ERBB4: variants seen among roughly 807,000 people sequenced by gnomAD.
The protein encoded by ERBB4 is receptor tyrosine-protein kinase erbB-4.
A neutral mutation model predicts 158.0 loss-of-function variants in ERBB4; 42 were observed. That is an observed-to-expected ratio of 0.27 (90% CI 0.21 to 0.34). The LOEUF (loss-of-function observed/expected upper bound fraction) is 0.34, where lower values mean the gene tolerates loss of function less well. ERBB4 is among the 10% of genes least tolerant of loss of function. The pLI, the probability that ERBB4 is intolerant of heterozygous loss-of-function variation, is 1.00. For missense variants in ERBB4, 1,333 were observed against 1,624.1 expected, an observed-to-expected ratio of 0.82 and a Z score of 3.08; for synonymous variants, 583 against 558.7, an observed-to-expected ratio of 1.04 and a Z score of -0.61.
At chr2:212,250,024 C>T (rs1322951653) in intron 1 of ERBB4, among the ~76,000 whole-genome samples, 1 of 151,928 alleles carries the variant, frequency 6.6e-6, no homozygotes, top group South Asian at 2.1e-4. Context: ...AATATGCATA[C>T]CATTATCAAT....
intron 20 of ERBB4, among the ~76,000 whole-genome samples, chr2:211,485,735 C>T (rs1023995827): frequency 6.6e-6 from 1 of 151,150 alleles, no homozygotes. Context: ...GGAGGGATAG[C>T]GTTAGGAGAT....
Position 212,514,758 on chromosome 2 carries a change from T to C in ERBB4, c.82+23691A>G, listed in dbSNP as rs561329447. Among the ~76,000 whole-genome samples, 78 of 152,262 alleles carry C rather than the reference T, an allele frequency of 5.1e-4. No homozygotes were observed. In the South Asian group the frequency reaches 0.015, roughly 29 times the overall value. On this transcript the variant is annotated intron_variant, in intron 1 of 27. Transcript: ENST00000342788. ...AGGCAGAGGTTGCAGTGAGCAGAGA[T>C]CGCACCACTGTACTCCAGCCTGGTG...
chr2:211,617,575 G>C (rs2069439717), intron 19 of ERBB4, among the ~76,000 whole-genome samples: 1 of 152,070 alleles, frequency 6.6e-6, no homozygotes, highest in South Asian at 2.1e-4. Context: ...CAACTGGTAA[G>C]GCATGAAACC....
intron 1 of ERBB4, among the ~76,000 whole-genome samples, chr2:212,296,582 A>C (rs904091920): frequency 1.3e-5 from 2 of 151,846 alleles, no homozygotes; most frequent in Non-Finnish European, 2.9e-5. Context: ...TGCCTCTATA[A>C]CAGATAATTT....
intron 16 of ERBB4, among the ~76,000 whole-genome samples, chr2:211,635,997 ATTAAACTAAATAATT>A (rs547766797): frequency 1.1e-4 from 17 of 152,142 alleles, no homozygotes; most frequent in African/African-American, 3.4e-4. Context: ...AAGCTTTTAG[ATTAAACTAAATAATT>A]TGAAGAAAGG....
chr2:212,279,924 A>G (rs1405569649), intron 1 of ERBB4, among the ~76,000 whole-genome samples: 1 of 151,664 alleles, frequency 6.6e-6, no homozygotes, highest in Non-Finnish European at 1.5e-5. Flanking sequence ...ATGTAATTAC[A>G]TTATAAAGTT....
chr2:211,754,021 C>T (rs62183023), intron 4 of ERBB4, among the ~76,000 whole-genome samples: 37,342 of 151,444 alleles, frequency 0.25, 4,837 homozygotes, highest in Non-Finnish European at 0.29. Flanking sequence ...CCACGCCCGG[C>T]TAATTTTTTT....
intron 20 of ERBB4, among the ~76,000 whole-genome samples, chr2:211,513,893 C>A (rs1172329518): frequency 6.6e-6 from 1 of 151,904 alleles, no homozygotes; most frequent in Non-Finnish European, 1.5e-5. Context: ...AGTAACTGTA[C>A]AAATGTATGG....
chr2:212,086,736 T>C (rs1022321313), intron 2 of ERBB4, among the ~76,000 whole-genome samples: 3 of 151,974 alleles, frequency 2.0e-5, no homozygotes, highest in Non-Finnish European at 4.4e-5. Flanking sequence ...GGGATAAGGC[T>C]AAAAAAGTTA....
At chr2:211,726,590 G>A (rs947675266) in intron 5 of ERBB4, among the ~76,000 whole-genome samples, 2 of 152,076 alleles carry the variant, frequency 1.3e-5, no homozygotes, top group Non-Finnish European at 2.9e-5. Context: ...AAATTGCCAA[G>A]TATTAGCAAT....
At chr2:212,111,977 T>C (rs536335684) in intron 2 of ERBB4, among the ~76,000 whole-genome samples, 2 of 152,142 alleles carry the variant, frequency 1.3e-5, no homozygotes, top group Admixed American at 1.3e-4. Flanking sequence ...TTTCAAAGAG[T>C]TGGCAGTCAG....
chr2:211,907,730 G>T (rs931799601), intron 3 of ERBB4, among the ~76,000 whole-genome samples: 3 of 151,500 alleles, frequency 2.0e-5, no homozygotes, highest in Non-Finnish European at 4.4e-5. Flanking sequence ...AAAAAATAAA[G>T]TTGAGGGACT....
intron 5 of ERBB4, among the ~76,000 whole-genome samples, chr2:211,742,028 A>G (rs935563176): frequency 2.6e-5 from 4 of 152,252 alleles, no homozygotes; most frequent in African/African-American, 7.2e-5. Flanking sequence ...AAAAAAGGAA[A>G]AATGGGAATA....
chr2:211,638,487 T>G (rs1401634609), intron 16 of ERBB4, among the ~76,000 whole-genome samples: 1 of 152,176 alleles, frequency 6.6e-6, no homozygotes, highest in Non-Finnish European at 1.5e-5. Flanking sequence ...GATCTTACAG[T>G]TTTTGGTTGA....
chr2:211,561,952 T>A lies in ERBB4; in HGVS notation c.2438A>T (p.Asp813Val). The change falls in exon 20 of 28, where the codon GAT (aspartate) becomes GTT (valine). Residue 813 changes from aspartate (D) to valine (V), a missense_variant. Physicochemically the swap from Asp to Val is radical, Grantham distance 152. Around this residue, in one of 5 missense-constraint regions of ERBB4, gnomAD observed 314 missense variants for 437.6 expected, o/e 0.72. Coordinates refer to ENST00000342788, the MANE Select transcript of ERBB4 (RefSeq NM_005235.3). ...AAGCAGCAGTTGTGATCCAATGTTATCCTTGTGCTCGTGGACATACTCCAA... is the reference window on the plus strand; with the variant it reads ...AAGCAGCAGTTGTGATCCAATGTTAACCTTGTGCTCGTGGACATACTCCAA... ...CLLEYVHEHK[D>V]NIGSQLLLNW... 1 of 1,614,174 alleles carries A rather than the reference T, an allele frequency of 6.2e-7. No individual in the cohort carries two copies. Among genetic ancestry groups the A allele is most frequent in the African/African-American group, 1.3e-5 (1 of 75,038 alleles).
chr2:212,238,543 C>T (rs907242119), intron 1 of ERBB4, among the ~76,000 whole-genome samples: 2 of 152,076 alleles, frequency 1.3e-5, no homozygotes, highest in African/African-American at 4.8e-5. Flanking sequence ...TAGCCACCTG[C>T]ATTATTATAT....
chr2:212,535,857 C>A (rs973811713), intron 1 of ERBB4, among the ~76,000 whole-genome samples: 6 of 152,166 alleles, frequency 3.9e-5, no homozygotes, highest in African/African-American at 1.2e-4. Context: ...ATCTATACAA[C>A]AGCATCCCCC....
intron 3 of ERBB4, among the ~76,000 whole-genome samples, chr2:211,917,477 T>G (rs771851563): frequency 3.0e-4 from 45 of 152,024 alleles, no homozygotes; most frequent in Non-Finnish European, 5.1e-4. Context: ...CCACAACAGA[T>G]GAAGAAACAA....
chr2:212,056,618 A>G (rs1559404031), intron 2 of ERBB4, among the ~76,000 whole-genome samples: 1 of 152,238 alleles, frequency 6.6e-6, no homozygotes. Context: ...AGTGGAGACC[A>G]ATATTCAACA....
Sources: allele counts gnomAD v4.1 joint callset (sites outside exome capture counted in the v4.1 genomes callset), GRCh38; gene constraint gnomAD v4.1.1; regional missense constraint gnomAD v4.1.1; transcripts MANE v1.5; gene names NCBI Gene and HGNC (gene_info 2026-07-23, HGNC 2026-07-21).